Variants in CRTAC1 observed in about 807,000 individuals in gnomAD.
CRTAC1 encodes the protein acidic secreted protein in cartilage.
Under a neutral mutation model 67.8 loss-of-function variants are expected in CRTAC1, and 37 were observed. The ratio of observed to expected loss-of-function variants is 0.55; its 90% CI spans 0.42 to 0.72. CRTAC1 has a LOEUF of 0.72. Among genes scored for constraint, CRTAC1 ranks in the 30% least tolerant of loss-of-function variants. The probability of loss-of-function intolerance (pLI) is 0.00; values close to 1 mark genes in which losing one functional copy is unlikely to be tolerated. For missense variants in CRTAC1, 780 were observed against 931.6 expected (o/e 0.84, Z 2.12); for synonymous variants, 348 against 371.0 (o/e 0.94, Z 0.71).
intron 11 of CRTAC1, among the ~76,000 whole-genome samples, chr10:97,887,052 AATATTTG>A (rs2050296696): frequency 6.6e-6 from 1 of 152,000 alleles, no homozygotes; most frequent in East Asian, 1.9e-4. Context: ...ATAAAAGGTA[AATATTTG>A]CCATTAAAAG....
At chr10:97,927,696 C>T (rs142896435) in intron 3 of CRTAC1, among the ~76,000 whole-genome samples, 4 of 152,322 alleles carry the variant, frequency 2.6e-5, no homozygotes, top group African/African-American at 4.8e-5. Context: ...TAAATGGGAA[C>T]GGCAAAATCA....
chr10:97,914,978 T>C (rs1024693727), intron 5 of CRTAC1, among the ~76,000 whole-genome samples: 4 of 151,606 alleles, frequency 2.6e-5, no homozygotes, highest in Non-Finnish European at 4.4e-5. Flanking sequence ...AAATGGATAA[T>C]GTCTAGAGAG....
chr10:98,018,942 T>C (rs554555912), intron 1 of CRTAC1, among the ~76,000 whole-genome samples: 1 of 152,258 alleles, frequency 6.6e-6, no homozygotes, highest in Non-Finnish European at 1.5e-5. Context: ...TGACAAGACT[T>C]CTTGCAGACC....
intron 2 of CRTAC1, among the ~76,000 whole-genome samples, chr10:97,998,973 A>C (rs1028555742): frequency 1.3e-5 from 2 of 152,212 alleles, no homozygotes; most frequent in African/African-American, 4.8e-5. Flanking sequence ...TATAAATCCC[A>C]AATCAATAGG....
At chr10:97,881,519 G>A (rs756265972) in intron 13 of CRTAC1, among the ~76,000 whole-genome samples, 13 of 152,238 alleles carry the variant, frequency 8.5e-5, no homozygotes, top group Non-Finnish European at 1.5e-4. Context: ...TGCCCCTCTT[G>A]TGGAGGCGCG....
At chr10:97,962,546 CAG>C (rs1236976625) in intron 2 of CRTAC1, among the ~76,000 whole-genome samples, 3 of 152,146 alleles carry the variant, frequency 2.0e-5, no homozygotes, top group Non-Finnish European at 4.4e-5. Context: ...TTAAGTGAAA[CAG>C]ATGCTCTGAA....
chr10:97,909,105 G>C (rs961893030), intron 5 of CRTAC1, among the ~76,000 whole-genome samples: 1 of 152,170 alleles, frequency 6.6e-6, no homozygotes, highest in South Asian at 2.1e-4. Context: ...AAAACGGAAA[G>C]AAATCAAGCC....
chr10:97,916,343 C>T (rs750447233), intron 5 of CRTAC1, among the ~76,000 whole-genome samples: 12 of 152,190 alleles, frequency 7.9e-5, no homozygotes, highest in African/African-American at 1.7e-4. Context: ...CCTTCACGCG[C>T]GGAGCTCTCA....
intron 2 of CRTAC1, among the ~76,000 whole-genome samples, chr10:97,966,769 G>T (rs1222842132): frequency 2.0e-5 from 3 of 152,132 alleles, no homozygotes; most frequent in Non-Finnish European, 4.4e-5. Flanking sequence ...GAGGGGTACT[G>T]GTCAGGTATT....
chr10:97,997,953 G>A (rs979508342), intron 2 of CRTAC1, among the ~76,000 whole-genome samples: 10 of 152,132 alleles, frequency 6.6e-5, no homozygotes, highest in African/African-American at 1.7e-4. Flanking sequence ...AAAGGAGAGA[G>A]CAGAGAGAAT....
chr10:97,983,211 C>T (rs1453144610), intron 2 of CRTAC1, among the ~76,000 whole-genome samples: 1 of 152,196 alleles, frequency 6.6e-6, no homozygotes, highest in Non-Finnish European at 1.5e-5. Flanking sequence ...AGGGAAGCCA[C>T]AGAGAGAGTT....
intron 2 of CRTAC1, among the ~76,000 whole-genome samples, chr10:97,970,519 G>T (rs2051690858): frequency 6.6e-6 from 1 of 152,058 alleles, no homozygotes; most frequent in African/African-American, 2.4e-5. Flanking sequence ...TCCTCACTCT[G>T]CTCCAGCAGA....
chr10:97,897,938 G>A (rs1011651325), intron 8 of CRTAC1, among the ~76,000 whole-genome samples: 23 of 152,220 alleles, frequency 1.5e-4, no homozygotes, highest in Admixed American at 1.3e-3. Context: ...TCAGGAGGGG[G>A]TCGGAGTCCC....
chr10:97,928,266 G>T (rs922539466), intron 3 of CRTAC1, among the ~76,000 whole-genome samples: 4 of 152,192 alleles, frequency 2.6e-5, no homozygotes, highest in Admixed American at 2.6e-4. Context: ...AGGGTCTGCA[G>T]GTGAGGCTCA....
chr10:98,011,027 A>G (rs1250401432), intron 2 of CRTAC1, 111 bp downstream of exon 2: 3 of 925,720 alleles, frequency 3.2e-6, no homozygotes, highest in Non-Finnish European at 5.1e-6. Flanking sequence ...CCACAGACCT[A>G]TGAGTGAGAA....
At chr10:97,893,003 C>A (rs962242261) in intron 11 of CRTAC1, among the ~76,000 whole-genome samples, 2 of 152,198 alleles carry the variant, frequency 1.3e-5, no homozygotes, top group South Asian at 2.1e-4. Flanking sequence ...CTCAAGGAAG[C>A]CTGGGTTTGA....
intron 4 of CRTAC1, among the ~76,000 whole-genome samples, chr10:97,920,816 GAA>G (rs956419784): frequency 6.6e-6 from 1 of 152,216 alleles, no homozygotes; most frequent in African/African-American, 2.4e-5. Context: ...CAATGTATGT[GAA>G]AAGTCTTTGA....
intron 3 of CRTAC1, among the ~76,000 whole-genome samples, chr10:97,935,621 C>A (rs550018215): frequency 1.3e-5 from 2 of 152,238 alleles, no homozygotes; most frequent in Non-Finnish European, 2.9e-5. Context: ...GTCTTCCTCA[C>A]GGTTGTGTCC....
chr10:98,011,055 C>T, intron 2 of CRTAC1, 83 bp downstream of exon 2: 3 of 1,180,732 alleles, frequency 2.5e-6, no homozygotes, highest in Non-Finnish European at 3.8e-6. Context: ...TGTTGCAAGT[C>T]ACTGGGGTTT....
Sources: allele counts gnomAD v4.1 joint callset (sites outside exome capture counted in the v4.1 genomes callset), GRCh38; gene constraint gnomAD v4.1.1; transcripts MANE v1.5; gene names NCBI Gene and HGNC (gene_info 2026-07-23, HGNC 2026-07-21).